KCNIP4: variants seen among roughly 807,000 people sequenced by gnomAD.
KCNIP4 encodes the protein Kv channel-interacting protein 4.
A neutral mutation model predicts 34.0 loss-of-function variants in KCNIP4; 12 were observed. The observed-to-expected ratio is 0.35, with a 90% CI of 0.23 to 0.57. The LOEUF is 0.57. Ranked by LOEUF, KCNIP4 falls within the 20% of genes least tolerant of loss-of-function variation. KCNIP4 has a pLI of 0.83. For missense variants in KCNIP4, 238 were observed against 311.7 expected (o/e 0.76, Z 1.78); for synonymous variants, 124 against 102.2 (o/e 1.21, Z -1.29).
At chr4:21,880,328 T>C (rs955214254) in intron 1 of KCNIP4, among the ~76,000 whole-genome samples, 2 of 152,192 alleles carry the variant, frequency 1.3e-5, no homozygotes, top group Non-Finnish European at 2.9e-5. Flanking sequence ...AGCAGAATTA[T>C]TGAGTTGAAA....
chr4:21,803,154 A>G (rs973881727), intron 1 of KCNIP4, among the ~76,000 whole-genome samples: 1 of 152,206 alleles, frequency 6.6e-6, no homozygotes, highest in Non-Finnish European at 1.5e-5. Flanking sequence ...TAAAGGTAGT[A>G]AACGTGCCAT....
At chr4:21,147,939 C>CAAAAAAAAAAAAAAAAAAAAAAAAA (rs377562727) in intron 1 of KCNIP4, among the ~76,000 whole-genome samples, 42 of 31,000 alleles carry the variant, frequency 1.4e-3, no homozygotes, top group East Asian at 3.9e-3. Flanking sequence ...AACTCCGTCT[C>CAAAAAAAAAAAAAAAAAAAAAAAAA]AAAAAAAAAA....
intron 1 of KCNIP4, among the ~76,000 whole-genome samples, chr4:21,043,013 T>G (rs1281077071): frequency 6.6e-6 from 1 of 152,236 alleles, no homozygotes; most frequent in East Asian, 1.9e-4. Context: ...GATCAGTTAT[T>G]GCCAAGTGCT....
chr4:21,073,646 T>C (rs1745188642), intron 1 of KCNIP4, among the ~76,000 whole-genome samples: 2 of 152,332 alleles, frequency 1.3e-5, no homozygotes, highest in East Asian at 1.9e-4. Context: ...CCTGCCTGAT[T>C]GCCCTGCCCA....
At chr4:21,570,148 C>G (rs372326060) in intron 1 of KCNIP4, among the ~76,000 whole-genome samples, 2 of 152,134 alleles carry the variant, frequency 1.3e-5, no homozygotes, top group African/African-American at 2.4e-5. Context: ...GCAAAATCTA[C>G]CCAGAGATGG....
At chr4:21,070,047 A>C (rs144710475) in intron 1 of KCNIP4, among the ~76,000 whole-genome samples, 179 of 152,322 alleles carry the variant, frequency 1.2e-3, no homozygotes, top group African/African-American at 4.2e-3. Flanking sequence ...CCAACTCGAT[A>C]ATTTTATCAC....
rs939393254 is a variant in KCNIP4, at chr4:21,777,295, A to G, written c.61+171276T>C. 1.8e-4 allele frequency among the ~76,000 whole-genome samples: 27 copies of G among 152,174 alleles called. No homozygotes were observed. The South Asian group carries it at 3.1e-3, about 17-fold the overall frequency. On this transcript the variant is annotated intron_variant, in intron 1 of 8. Transcript: ENST00000382152. ...TATAACAGTGTGAAAATAAACTAAT[A>G]CAGATGTCTTCACTCTCTAACTTAC...
At chr4:20,892,151 G>T (rs1450012811) in intron 1 of KCNIP4, among the ~76,000 whole-genome samples, 2 of 152,070 alleles carry the variant, frequency 1.3e-5, no homozygotes, top group Non-Finnish European at 2.9e-5. Flanking sequence ...TTTTGAACTT[G>T]GGAGGCAGAA....
At chr4:21,455,808 C>CAT (rs1171436191) in intron 1 of KCNIP4, among the ~76,000 whole-genome samples, 94 of 71,854 alleles carry the variant, frequency 1.3e-3, no homozygotes, top group East Asian at 3.2e-3. Context: ...TACAGATATT[C>CAT]ATATATATAT....
At chr4:20,808,897 T>C (rs1715400535) in intron 3 of KCNIP4, among the ~76,000 whole-genome samples, 1 of 152,216 alleles carries the variant, frequency 6.6e-6, no homozygotes, top group Non-Finnish European at 1.5e-5. Flanking sequence ...CTTAGATATT[T>C]AAATCAGCTC....
intron 1 of KCNIP4, among the ~76,000 whole-genome samples, chr4:21,484,054 C>T (rs181323146): frequency 2.6e-5 from 4 of 151,738 alleles, no homozygotes; most frequent in Middle Eastern, 3.4e-3. Context: ...TTTGTAGCAG[C>T]GTGATAATGG....
intron 3 of KCNIP4, among the ~76,000 whole-genome samples, chr4:20,818,228 T>C (rs1175241189): frequency 1.3e-5 from 2 of 152,138 alleles, no homozygotes; most frequent in Non-Finnish European, 2.9e-5. Context: ...TAAGTAAATG[T>C]TGAAACTAAA....
At chr4:21,819,659 T>C (rs1199933241) in intron 1 of KCNIP4, among the ~76,000 whole-genome samples, 1 of 152,190 alleles carries the variant, frequency 6.6e-6, no homozygotes, top group Non-Finnish European at 1.5e-5. Flanking sequence ...ATAATGATTT[T>C]TATTTTTAAA....
At chr4:21,934,145 G>C (rs1729722678) in intron 1 of KCNIP4, among the ~76,000 whole-genome samples, 2 of 152,012 alleles carry the variant, frequency 1.3e-5, no homozygotes, top group Non-Finnish European at 2.9e-5. Flanking sequence ...GTGGAGGGAA[G>C]GGAGTATGAG....
chr4:21,498,927 A>G (rs1326674107), intron 1 of KCNIP4, among the ~76,000 whole-genome samples: 1 of 152,224 alleles, frequency 6.6e-6, no homozygotes, highest in African/African-American at 2.4e-5. Context: ...AAGCAAACAG[A>G]TACTACAATT....
At chr4:20,937,562 A>G (rs1048764099) in intron 1 of KCNIP4, among the ~76,000 whole-genome samples, 1 of 152,070 alleles carries the variant, frequency 6.6e-6, no homozygotes, top group Non-Finnish European at 1.5e-5. Context: ...AGCTTTTGAT[A>G]TTTGATACTG....
At chr4:21,426,739 G>A (rs1008161488) in intron 1 of KCNIP4, among the ~76,000 whole-genome samples, 1 of 151,524 alleles carries the variant, frequency 6.6e-6, no homozygotes, top group Non-Finnish European at 1.5e-5. Context: ...GCCAGGTCAC[G>A]TTTTAAGCAC....
rs554892492 is a variant in KCNIP4 at position 21,537,531 on chromosome 4, C to CA, written c.61+411039dup. Among the ~76,000 whole-genome samples, 886 of 151,900 alleles carry CA rather than the reference C, an allele frequency of 5.8e-3. 12 individuals are homozygous for CA. Among genetic ancestry groups the CA allele is most frequent in the South Asian group, 8.3e-3 (40 of 4,822 alleles). ...GGAAAACAAAAACAAAGAAAAAATA[C>CA]AAAAAAATATCACCATCTGTACTGG... On this transcript the variant is annotated intron_variant, in intron 1 of 8. Coordinates refer to ENST00000382152, the MANE Select transcript of KCNIP4 (RefSeq NM_025221.6).
intron 1 of KCNIP4, among the ~76,000 whole-genome samples, chr4:21,012,552 G>A (rs1739148306): frequency 6.6e-6 from 1 of 152,212 alleles, no homozygotes; most frequent in Non-Finnish European, 1.5e-5. Flanking sequence ...GGGTGACAGA[G>A]TAAGACCTTG....
Sources: gnomAD v4.1 joint callset for allele counts (sites outside exome capture counted in the v4.1 genomes callset) on GRCh38, gnomAD v4.1.1 for gene constraint, MANE v1.5 for transcripts, NCBI Gene and HGNC (gene_info 2026-07-23, HGNC 2026-07-21) for gene names.